Variants in MCU observed in about 807,000 individuals in gnomAD.
The protein encoded by MCU is calcium uniporter protein, mitochondrial.
A neutral mutation model predicts 45.2 loss-of-function variants in MCU; 12 were observed. The ratio of observed to expected loss-of-function variants is 0.27; its 90% confidence interval spans 0.17 to 0.43. MCU has a LOEUF of 0.43. MCU is among the 20% of genes least tolerant of loss of function. MCU has a pLI of 1.00. For missense variants in MCU, 324 were observed against 436.7 expected, an observed-to-expected ratio of 0.74 and a Z score of 2.30; for synonymous variants, 160 against 165.1, an observed-to-expected ratio of 0.97 and a Z score of 0.24.
intron 1 of MCU, among the ~76,000 whole-genome samples, chr10:72,795,142 C>T (rs1844224286): frequency 6.6e-6 from 1 of 151,966 alleles, no homozygotes; most frequent in African/African-American, 2.4e-5. Context: ...CCTAAAATCT[C>T]CTCATTGAGC....
chr10:72,785,617 A>G lies in MCU; in HGVS notation c.151-48742A>G, dbSNP rs572036347. 2.0e-5 allele frequency among the ~76,000 whole-genome samples: 3 copies of G among 152,266 alleles called. No individual in the cohort carries two copies. In the East Asian group the frequency reaches 5.8e-4, roughly 29 times the overall value. ...CATAGTCCAGAATTGCAAGTTTTTC[A>G]CTTTTAGTGTTTATGTAAAATTCTC... On this transcript the variant is annotated intron_variant, in intron 1 of 7. Transcript: ENST00000373053.
chr10:72,805,125 T>TTCTTTC (rs1844418186), intron 1 of MCU, among the ~76,000 whole-genome samples: 1 of 134,406 alleles, frequency 7.4e-6, no homozygotes, highest in Non-Finnish European at 1.5e-5. Context: ...CTTTCTTTCT[T>TTCTTTC]TCTTTCTTTC....
intron 6 of MCU, among the ~76,000 whole-genome samples, chr10:72,880,969 A>T (rs181228757): frequency 5.9e-5 from 9 of 152,224 alleles, no homozygotes; most frequent in Admixed American, 4.6e-4. Context: ...AGCTAAAAAA[A>T]TTTTTTTAAA....
At chr10:72,849,821 G>GTA (rs1341969266) in intron 2 of MCU, among the ~76,000 whole-genome samples, 1 of 151,936 alleles carries the variant, frequency 6.6e-6, no homozygotes, top group African/African-American at 2.4e-5. Context: ...GCAACCTAAT[G>GTA]TCATGTGTGA....
Position 72,792,958 on chromosome 10 carries a change from A to C in MCU, c.151-41401A>C, listed in dbSNP as rs1026820656. Among the ~76,000 whole-genome samples, 54 of 151,790 alleles carry C rather than the reference A, an allele frequency of 3.6e-4. 3 individuals are homozygous for C. The highest frequency in any genetic ancestry group is 7.4e-5 in the Non-Finnish European group (5 of 67,968). ...CAGTGGCACGATCTTGGCTCACTGC[A>C]ACCTCCGCTTCCTGGGTTCACGTGA... is the stretch of plus-strand genomic sequence containing the variant. On this transcript the variant is annotated intron_variant, in intron 1 of 7. Coordinates refer to ENST00000373053, the MANE Select transcript of MCU (RefSeq NM_138357.3).
intron 1 of MCU, among the ~76,000 whole-genome samples, chr10:72,733,628 A>G (rs1255207976): frequency 6.6e-6 from 1 of 151,800 alleles, no homozygotes; most frequent in Non-Finnish European, 1.5e-5. Flanking sequence ...CATTTATGGC[A>G]GTGCTTGGCA....
Position 72,884,367 on chromosome 10 carries a change from G to C in MCU, c.963G>C (p.Lys321Asn). 6.3e-7 allele frequency: 1 copy of C among 1,599,376 alleles called. No individual in the cohort carries two copies. Among genetic ancestry groups the C allele is most frequent in the Non-Finnish European group, 8.6e-7 (1 of 1,166,974 alleles). ...RFDLEKYNQL[K>N]DAIAQAEMDL... ...ACCTAGAGAAATACAATCAACTCAAGGATGCAATTGCTCAGGTAAGTTTTA... is the reference window on the plus strand; with the variant it reads ...ACCTAGAGAAATACAATCAACTCAACGATGCAATTGCTCAGGTAAGTTTTA... The change falls in exon 7 of 8, where the codon AAG (lysine) becomes AAC (asparagine). Residue 321 changes from lysine (K) to asparagine (N), a missense_variant. Around this residue, in one of 4 missense-constraint regions of MCU, gnomAD observed 76 missense variants for 99.4 expected, o/e 0.76. Coordinates refer to ENST00000373053, the MANE Select transcript of MCU (RefSeq NM_138357.3).
chr10:72,777,791 G>A (rs1843918120), intron 1 of MCU, among the ~76,000 whole-genome samples: 1 of 152,158 alleles, frequency 6.6e-6, no homozygotes, highest in Admixed American at 6.5e-5. Context: ...ACGTGCATCT[G>A]ACAAGGGATT....
chr10:72,884,228 T>G (rs765114417), intron 6 of MCU, 38 bp from the exon 7 acceptor site: 1 of 1,199,270 alleles, frequency 8.3e-7, no homozygotes, highest in East Asian at 2.3e-5. Context: ...GAAGATAGTA[T>G]GCTAAGGACT....
intron 2 of MCU, among the ~76,000 whole-genome samples, chr10:72,841,746 C>T (rs1845051460): frequency 6.6e-6 from 1 of 152,210 alleles, no homozygotes; most frequent in Non-Finnish European, 1.5e-5. Context: ...TTCACTGGCA[C>T]ATCCTGGCTT....
chr10:72,750,953 C>T (rs769580007), intron 1 of MCU, among the ~76,000 whole-genome samples: 20 of 152,148 alleles, frequency 1.3e-4, no homozygotes, highest in Non-Finnish European at 5.9e-5. Flanking sequence ...GAGGTTCATC[C>T]ATGTTATTGC....
chr10:72,796,411 ACT>A (rs2132771473), intron 1 of MCU, among the ~76,000 whole-genome samples: 1 of 152,294 alleles, frequency 6.6e-6, no homozygotes, highest in East Asian at 1.9e-4. Flanking sequence ...CCTGAGTGAG[ACT>A]CTGTCTCTAA....
At chr10:72,835,815 C>G (rs1236415789) in intron 2 of MCU, among the ~76,000 whole-genome samples, 1 of 152,208 alleles carries the variant, frequency 6.6e-6, no homozygotes, top group Non-Finnish European at 1.5e-5. Flanking sequence ...AAAAGCAGCA[C>G]TTAGCACTGT....
chr10:72,879,510 A>G (rs117311960), intron 6 of MCU, among the ~76,000 whole-genome samples: 2,024 of 152,342 alleles, frequency 0.013, 20 homozygotes, highest in Non-Finnish European at 0.022. Flanking sequence ...TCAGCAAAAA[A>G]TATCTTTCCA....
At chr10:72,704,667 A>C (rs2132652753) in intron 1 of MCU, among the ~76,000 whole-genome samples, 1 of 150,368 alleles carries the variant, frequency 6.7e-6, no homozygotes, top group East Asian at 1.9e-4. Context: ...CATCCCAAGT[A>C]ACTGGGACTA....
chr10:72,840,553 G>A (rs1193680057), intron 2 of MCU, among the ~76,000 whole-genome samples: 1 of 151,958 alleles, frequency 6.6e-6, no homozygotes, highest in Non-Finnish European at 1.5e-5. Context: ...ATTGTATTGA[G>A]GACACATACA....
chr10:72,862,198 G>T (rs1005437909), intron 4 of MCU, among the ~76,000 whole-genome samples: 2 of 151,904 alleles, frequency 1.3e-5, no homozygotes, highest in African/African-American at 4.8e-5. Flanking sequence ...AGCCAGGATG[G>T]TCTCGATCTC....
At chr10:72,820,613 C>T (rs149222351) in intron 1 of MCU, among the ~76,000 whole-genome samples, 61 of 151,826 alleles carry the variant, frequency 4.0e-4, no homozygotes, top group African/African-American at 1.4e-3. Flanking sequence ...CAAGTTAAAG[C>T]GATTCTCCTG....
intron 2 of MCU, among the ~76,000 whole-genome samples, chr10:72,841,050 A>G (rs1036547029): frequency 2.0e-5 from 3 of 152,152 alleles, no homozygotes; most frequent in Admixed American, 6.5e-5. Context: ...ATTTTTTCCA[A>G]TATTTTGAAG....
Sources: allele counts gnomAD v4.1 joint callset (sites outside exome capture counted in the v4.1 genomes callset), GRCh38; gene constraint gnomAD v4.1.1; regional missense constraint gnomAD v4.1.1; transcripts MANE v1.5; gene names NCBI Gene and HGNC (gene_info 2026-07-23, HGNC 2026-07-21).